Variants in MFSD2A observed in about 807,000 individuals in gnomAD.
The protein encoded by MFSD2A is MFSD2 lysolipid transporter A, lysophospholipid, also known as sodium-dependent lysophosphatidylcholine symporter 1.
A neutral mutation model predicts 64.7 loss-of-function variants in MFSD2A; 27 were observed. The observed-to-expected ratio is 0.42, with a 90% CI of 0.31 to 0.58. The LOEUF is 0.58. Among genes scored for constraint, MFSD2A ranks in the 20% least tolerant of loss-of-function variants. The pLI is 0.18. For missense variants in MFSD2A, 474 were observed against 679.5 expected (o/e 0.70, Z 3.36); for synonymous variants, 258 against 273.4 (o/e 0.94, Z 0.55).
intron 6 of MFSD2A, among the ~76,000 whole-genome samples, 196 bp from the exon 7 acceptor site, chr1:39,966,405 A>G (rs1316597681): frequency 6.6e-6 from 1 of 152,128 alleles, no homozygotes; most frequent in African/African-American, 2.4e-5. Flanking sequence ...GTTTCTGAGC[A>G]TGTTGTGAAT....
intron 3 of MFSD2A, among the ~76,000 whole-genome samples, chr1:39,959,161 G>A (rs768866483): frequency 1.3e-4 from 19 of 151,936 alleles, no homozygotes; most frequent in Non-Finnish European, 2.4e-4. Flanking sequence ...CTTAAGAGTG[G>A]TTAAGCAGTT....
intron 9 of MFSD2A, chr1:39,967,373 C>T: frequency 1.6e-6 from 1 of 633,128 alleles, no homozygotes; most frequent in Non-Finnish European, 2.8e-6. Flanking sequence ...GAGTAGTGAG[C>T]ACAGCAAAAG....
At position 39,958,662 on chromosome 1, in the gene MFSD2A, A is replaced by G. The variant is rs1644975390; in HGVS notation, c.229-39A>G. ...TACCAGTGAGAGTTGAGGCGAGTAG[A>G]AGGATGAGGAAGTTGTCTTTTGCTT... On this transcript the variant is annotated intron_variant, in intron 2 of 13. Coordinates refer to ENST00000372811, the MANE Select transcript of MFSD2A (RefSeq NM_032793.5). The surrounding 1 kb of genome is among the most constrained non-coding windows in gnomAD (Gnocchi z 4.7). 3 of 1,614,102 alleles carry G rather than the reference A, an allele frequency of 1.9e-6. No individual in the cohort carries two copies. The highest frequency in any genetic ancestry group is 2.5e-6 in the Non-Finnish European group (3 of 1,180,014).
chr1:39,964,532 CT>C lies in MFSD2A; in HGVS notation c.354-675del, dbSNP rs1313510677. The C allele has an allele frequency of 1.3e-5, 2 of 152,550 alleles. No individual in the cohort carries two copies. The highest frequency in any genetic ancestry group is 4.8e-5 in the African/African-American group (2 of 41,470). The allele number at this position is 152,550 out of a possible 1,614,324, so 9.4% of individuals were successfully genotyped here. ...GTTAGTCCATCCTGAGGTCTAACCC[CT>C]TTTGATGGTGTGGAACTCACATGGG... On this transcript the variant is annotated intron_variant, in intron 3 of 13. Coordinates refer to ENST00000372811, the MANE Select transcript of MFSD2A (RefSeq NM_032793.5). The surrounding 1 kb of genome is among the most constrained non-coding windows in gnomAD (Gnocchi z 4.1).
rs950426398 is a variant in MFSD2A, at chr1:39,955,589, C to T, written c.93+204C>T. The T allele has an allele frequency of 7.2e-6, 5 of 697,734 alleles. No individual in the cohort carries two copies. In the African/African-American group the frequency reaches 8.8e-5, roughly 12 times the overall value. 43.2% of individuals were successfully genotyped at this position (697,734 alleles called of 1,614,324 possible). A position where few individuals can be genotyped will look rare whatever the true frequency, so the allele number is the denominator to read the frequency against. On this transcript the variant is annotated intron_variant, in intron 1 of 13. Coordinates refer to ENST00000372811, the MANE Select transcript of MFSD2A (RefSeq NM_032793.5). The surrounding 1 kb of genome is among the most constrained non-coding windows in gnomAD (Gnocchi z 5.9). ...GGGCGCCCTCGCCCCCCTTTGCTCA[C>T]CCGCACTCCACGCTCTGCGGAGAGG...
Position 39,964,667 on chromosome 1 carries a change from TGGGGTGTGTGAAGTGTGTATGTGAATG to T in MFSD2A, c.354-533_354-507del, listed in dbSNP as rs985281004. ...GAATGGGTGTGTGTGTGTGTGTGAA[TGGGGTGTGTGAAGTGTGTATGTGAATG>T]GGGGTGTGTGTGAATGGGGTGTGTG... is the stretch of plus-strand genomic sequence containing the variant. On this transcript the variant is annotated intron_variant, in intron 3 of 13. Coordinates refer to ENST00000372811, the MANE Select transcript of MFSD2A (RefSeq NM_032793.5). This position sits in a 1 kb window ranked among gnomAD's most constrained non-coding sequence, Gnocchi z 4.1. The T allele has an allele frequency of 6.5e-6, 1 of 153,386 alleles. No individual in the cohort carries two copies. The highest frequency in any genetic ancestry group is 2.4e-5 in the African/African-American group (1 of 40,898). The allele number at this position is 153,386 out of a possible 1,614,324, so 9.5% of individuals were successfully genotyped here.
intron 3 of MFSD2A, chr1:39,962,700 T>G: frequency 1.3e-6 from 1 of 784,280 alleles, no homozygotes; most frequent in Non-Finnish European, 2.2e-6. Flanking sequence ...CGGAGCTTGC[T>G]GAGGCAAGGC....
chr1:39,956,977 G>A, intron 1 of MFSD2A, 110 bp from the exon 2 acceptor site: 2 of 770,386 alleles, frequency 2.6e-6, no homozygotes, highest in Admixed American at 2.4e-5. Context: ...ACAGGTCAAA[G>A]CAGAGTTGTT....
In MFSD2A at chr1:39,955,407, T is replaced by A; in HGVS notation, c.93+22T>A. 6.6e-7 allele frequency: 1 copy of A among 1,505,748 alleles called. No individual in the cohort carries two copies. Among genetic ancestry groups the A allele is most frequent in the East Asian group, 2.5e-5 (1 of 40,714 alleles). 93.3% of individuals were successfully genotyped at this position (1,505,748 alleles called of 1,614,324 possible). On this transcript the variant is annotated intron_variant, in intron 1 of 13. Coordinates refer to ENST00000372811, the MANE Select transcript of MFSD2A (RefSeq NM_032793.5). The surrounding 1 kb of genome is among the most constrained non-coding windows in gnomAD (Gnocchi z 5.9). ...GAAGGTGAGGGCCCGGCACCCCGCG[T>A]GGAGGGCGAGGGGAGGGAGGAGGCG...
chr1:39,958,584 G>A lies in MFSD2A; in HGVS notation c.229-117G>A. The stretch of plus-strand genomic sequence containing the variant: ...GATGTGTAAGGTCCATGTGGGAGCA[G>A]CTCAGGGTCACAAGATCCTGGCTGA... On this transcript the variant is annotated intron_variant, in intron 2 of 13. Transcript: ENST00000372811. This position sits in a 1 kb window ranked among gnomAD's most constrained non-coding sequence, Gnocchi z 4.7. 1 of 1,538,940 alleles carries A rather than the reference G, an allele frequency of 6.5e-7. No individual in the cohort carries two copies. The highest frequency in any genetic ancestry group is 1.7e-5 in the Admixed American group (1 of 59,584).
chr1:39,965,187 C>T lies in MFSD2A; in HGVS notation c.354-24C>T, dbSNP rs954819717. On this transcript the variant is annotated intron_variant, in intron 3 of 13. Coordinates refer to ENST00000372811, the MANE Select transcript of MFSD2A (RefSeq NM_032793.5). This position sits in a 1 kb window ranked among gnomAD's most constrained non-coding sequence, Gnocchi z 5.5. ...GTCCTGGGCTCCAGCCTCCAGCCTC[C>T]ACTCACACCCTCCTCTTCCTCAGGA... 7.4e-6 allele frequency: 12 copies of T among 1,613,552 alleles called. No individual in the cohort carries two copies. The highest frequency in any genetic ancestry group is 2.7e-5 in the African/African-American group (2 of 74,892).
At position 39,968,817 on chromosome 1, in the gene MFSD2A, G is replaced by A; in HGVS notation, c.1529+72G>A. ...TCTAAACCCTCAATTTGTGTCTCCT[G>A]TGGCCAAGTCCAGACTCACCCCCCA... On this transcript the variant is annotated intron_variant, in intron 13 of 13. Coordinates refer to ENST00000372811, the MANE Select transcript of MFSD2A (RefSeq NM_032793.5). The surrounding 1 kb of genome is among the most constrained non-coding windows in gnomAD (Gnocchi z 4.4). The A allele has an allele frequency of 6.4e-7, 1 of 1,555,792 alleles. No individual in the cohort carries two copies. The highest frequency in any genetic ancestry group is 1.7e-5 in the Admixed American group (1 of 57,180).
rs1243734512 is a variant in MFSD2A, at chr1:39,958,740, C to T, written c.268C>T (p.Arg90Ter). The T allele has an allele frequency of 4.3e-6, 7 of 1,614,006 alleles. No homozygotes were observed. The highest frequency in any genetic ancestry group is 2.2e-5 in the East Asian group (1 of 44,874). Residue 90 changes from arginine (R) to a stop codon, truncating the protein, a stop_gained, in exon 3 of 14, where the codon CGA (arginine) becomes TGA (stop). Coordinates refer to ENST00000372811, the MANE Select transcript of MFSD2A (RefSeq NM_032793.5). LOFTEE classifies it high-confidence loss of function. This position sits in a 1 kb window ranked among gnomAD's most constrained non-coding sequence, Gnocchi z 4.7. ...TGCCTCCATCATCCTGTTTGTGGGC[C>T]GAGCCTGGGATGCCATCACAGACCC... The part of the protein sequence containing the change: ...FSASIILFVG[R>*]AWDAITDPLV...
chr1:39,961,118 G>A (rs1184640631), intron 3 of MFSD2A, among the ~76,000 whole-genome samples: 2 of 151,102 alleles, frequency 1.3e-5, no homozygotes, highest in African/African-American at 4.9e-5. Context: ...TGCCTGGCCA[G>A]ACCTCTCCAT....
chr1:39,964,870 C>T lies in MFSD2A; in HGVS notation c.354-341C>T, dbSNP rs975312463. 12 of 334,178 alleles carry T rather than the reference C, an allele frequency of 3.6e-5. No homozygotes were observed. Among genetic ancestry groups the T allele is most frequent in the Admixed American group, 2.2e-4 (5 of 22,646 alleles). The allele number at this position is 334,178 out of a possible 1,614,324, so 20.7% of individuals were successfully genotyped here. A position where few individuals can be genotyped will look rare whatever the true frequency, so the allele number is the denominator to read the frequency against. Reference sequence around the variant, plus strand: ...TGTGAGAACACGGGAGTTGGGGCTGCTCCTTCTCTTTGCCTCCTTGCCCAG... The same window carrying T: ...TGTGAGAACACGGGAGTTGGGGCTGTTCCTTCTCTTTGCCTCCTTGCCCAG... On this transcript the variant is annotated intron_variant, in intron 3 of 13. Coordinates refer to ENST00000372811, the MANE Select transcript of MFSD2A (RefSeq NM_032793.5). This position sits in a 1 kb window ranked among gnomAD's most constrained non-coding sequence, Gnocchi z 4.1.
At chr1:39,966,137 CAATT>C (rs1445841518) in intron 6 of MFSD2A, 123 bp downstream of exon 6, 15 of 1,117,942 alleles carry the variant, frequency 1.3e-5, no homozygotes, top group Non-Finnish European at 1.9e-5. Context: ...ATATACATAA[CAATT>C]AATGCACCCA....
rs906327070 is a variant in MFSD2A, at chr1:39,963,055, G to A, written c.354-2156G>A. ...ATTGTCCCCGTGCGCAGAGGCTACT[G>A]GGGGAACAAGATCAGCAAGCCCCAC... On this transcript the variant is annotated intron_variant, in intron 3 of 13. Transcript: ENST00000372811. The surrounding 1 kb of genome is among the most constrained non-coding windows in gnomAD (Gnocchi z 4.2). 7.0e-6 allele frequency: 10 copies of A among 1,427,260 alleles called. No homozygotes were observed. Among genetic ancestry groups the A allele is most frequent in the Non-Finnish European group, 9.6e-6 (10 of 1,040,094 alleles). 88.4% of individuals were successfully genotyped at this position (1,427,260 alleles called of 1,614,324 possible). A position where few individuals can be genotyped will look rare whatever the true frequency, so the allele number is the denominator to read the frequency against.
chr1:39,965,446 G>T lies in MFSD2A; in HGVS notation c.478-25G>T. 6.2e-7 allele frequency: 1 copy of T among 1,613,928 alleles called. No individual in the cohort carries two copies. Among genetic ancestry groups the T allele is most frequent in the Non-Finnish European group, 8.5e-7 (1 of 1,179,916 alleles). ...ATCAGTGTGTCCACCCGCCTGACCA[G>T]CCAATGACCTGTCTTCTATGCCAGT... On this transcript the variant is annotated intron_variant, in intron 4 of 13. Transcript: ENST00000372811. This position sits in a 1 kb window ranked among gnomAD's most constrained non-coding sequence, Gnocchi z 5.5.
chr1:39,965,377 G>C lies in MFSD2A; in HGVS notation c.477+43G>C, dbSNP rs761639987. ...CCTTGGGTGTCTCTAGGGGCCGGGA[G>C]GAGGGCGGTCCTTGGGGCCCCCAGG... On this transcript the variant is annotated intron_variant, in intron 4 of 13. Transcript: ENST00000372811. This position sits in a 1 kb window ranked among gnomAD's most constrained non-coding sequence, Gnocchi z 5.5. The C allele has an allele frequency of 4.3e-6, 7 of 1,613,666 alleles. No homozygotes were observed. In the South Asian group the frequency reaches 4.4e-5, roughly 10 times the overall value.
Sources: allele counts gnomAD v4.1 joint callset (sites outside exome capture counted in the v4.1 genomes callset), GRCh38; gene constraint gnomAD v4.1.1; non-coding constraint Gnocchi (gnomAD v3.1); transcripts MANE v1.5; gene names NCBI Gene and HGNC (gene_info 2026-07-23, HGNC 2026-07-21).